The following DNAAF5 variants were observed in gnomAD, a reference collection of about 807,000 sequenced individuals.
DNAAF5 encodes the protein dynein axonemal assembly factor 5.
In DNAAF5, 64 loss-of-function variants were observed where a neutral mutation model predicts 75.8. That is an observed-to-expected ratio of 0.84 (90% CI 0.69 to 1.04). The LOEUF (loss-of-function observed/expected upper bound fraction) is 1.04. DNAAF5 is among the 50% of genes least tolerant of loss of function. DNAAF5 has a pLI of 0.00. For missense variants in DNAAF5, 1,269 were observed against 1,178.5 expected, an observed-to-expected ratio of 1.08 and a Z score of -1.12; for synonymous variants, 657 against 557.2, an observed-to-expected ratio of 1.18 and a Z score of -2.52.
At chr7:762,251 C>T (rs1442806020) in intron 7 of DNAAF5, among the ~76,000 whole-genome samples, 2 of 152,122 alleles carry the variant, frequency 1.3e-5, no homozygotes, top group South Asian at 2.1e-4. Flanking sequence ...TTTGGGAGGC[C>T]GAGGTGGGCG....
chr7:749,127 G>T (rs1246915898), intron 4 of DNAAF5, among the ~76,000 whole-genome samples: 1 of 152,172 alleles, frequency 6.6e-6, no homozygotes, highest in Non-Finnish European at 1.5e-5. Flanking sequence ...CGTGCTGGGA[G>T]GGTTGGGAGG....
intron 4 of DNAAF5, among the ~76,000 whole-genome samples, chr7:743,754 C>T (rs1198952202): frequency 6.6e-6 from 1 of 150,958 alleles, no homozygotes; most frequent in Non-Finnish European, 1.5e-5. Context: ...AAGCGATTCT[C>T]CTGCGTCAGC....
chr7:784,084 C>T (rs951632812), intron 12 of DNAAF5, among the ~76,000 whole-genome samples: 1 of 152,044 alleles, frequency 6.6e-6, no homozygotes, highest in Non-Finnish European at 1.5e-5. Context: ...AAGCAGCCCG[C>T]CTTACCCCTC....
At chr7:778,834 A>G (rs1459826411) in intron 11 of DNAAF5, 1 of 153,732 alleles carries the variant, frequency 6.5e-6, no homozygotes, top group African/African-American at 2.4e-5. Context: ...CCATGCAGCA[A>G]AAGCACCCCC....
intron 4 of DNAAF5, among the ~76,000 whole-genome samples, chr7:744,929 C>T (rs1583486210): frequency 6.6e-6 from 1 of 152,164 alleles, no homozygotes; most frequent in Non-Finnish European, 1.5e-5. Flanking sequence ...AAATGTGGAA[C>T]TTAGACACGA....
chr7:783,487 G>A lies in DNAAF5; in HGVS notation c.2432-2030G>A, dbSNP rs573633311. Among the ~76,000 whole-genome samples, 90 of 152,294 alleles carry A rather than the reference G, an allele frequency of 5.9e-4. 2 individuals are homozygous for A. Among genetic ancestry groups the A allele is most frequent in the Non-Finnish European group, 1.5e-4 (10 of 68,008 alleles). ...CCCTCTGAAGGGTCCTGGGGACCCC[G>A]AGGGCCTTGGAGCCCATGTCGGGAG... is the stretch of plus-strand genomic sequence containing the variant. On this transcript the variant is annotated intron_variant, in intron 12 of 12. Transcript: ENST00000297440.
At chr7:772,974 A>G (rs999080518) in intron 9 of DNAAF5, 6 of 151,968 alleles carry the variant, frequency 3.9e-5, no homozygotes, top group African/African-American at 1.5e-4. Context: ...AAAAAAAAAA[A>G]AAAAATTTAA....
At chr7:751,155 A>G (rs6955004) in intron 4 of DNAAF5, among the ~76,000 whole-genome samples, 27,606 of 152,058 alleles carry the variant, frequency 0.18, 2,818 homozygotes, top group East Asian at 0.28. Flanking sequence ...CATTTCAAAA[A>G]AAAACGAAGA....
intron 2 of DNAAF5, 120 bp from the exon 3 acceptor site, chr7:740,699 A>G: frequency 1.4e-6 from 2 of 1,407,446 alleles, no homozygotes; most frequent in African/African-American, 2.8e-5. Flanking sequence ...GTGGCCCAGG[A>G]CCTGGCCGTG....
At chr7:770,963 C>CACAAGCTCTCGGTAGGGA in intron 9 of DNAAF5, 1 of 189,152 alleles carries the variant, frequency 5.3e-6, no homozygotes, top group Non-Finnish European at 1.1e-5. Context: ...ACTGGGTAAA[C>CACAAGCTCTCGGTAGGGA]ACAAGCTCTC....
intron 12 of DNAAF5, among the ~76,000 whole-genome samples, chr7:783,566 C>G (rs34583940): frequency 6.6e-6 from 1 of 152,218 alleles, no homozygotes; most frequent in African/African-American, 2.4e-5. Context: ...AGCCCCAGAG[C>G]CCATTGATCC....
intron 9 of DNAAF5, among the ~76,000 whole-genome samples, 196 bp from the exon 10 acceptor site, chr7:773,852 C>T (rs541998369): frequency 1.1e-4 from 16 of 152,244 alleles, no homozygotes; most frequent in African/African-American, 3.6e-4. Context: ...CCTGTCTCCC[C>T]GGTAGGGTTG....
At chr7:769,481 C>T (rs1583511914) in intron 8 of DNAAF5, among the ~76,000 whole-genome samples, 3 of 152,292 alleles carry the variant, frequency 2.0e-5, no homozygotes. Flanking sequence ...TCGCGCCCAC[C>T]GGAGAGCAGC....
At chr7:780,871 CGTT>C (rs374741299) in intron 12 of DNAAF5, among the ~76,000 whole-genome samples, 56 of 136,538 alleles carry the variant, frequency 4.1e-4, no homozygotes, top group Middle Eastern at 3.9e-3. Context: ...AATATAATGA[CGTT>C]GTTCTTTTTT....
At chr7:751,393 G>C (rs1431391459) in intron 4 of DNAAF5, among the ~76,000 whole-genome samples, 1 of 151,540 alleles carries the variant, frequency 6.6e-6, no homozygotes, top group African/African-American at 2.4e-5. Flanking sequence ...TTAGCACTTT[G>C]AGAGGCCGAG....
At chr7:731,056 A>G (rs894448884) in intron 2 of DNAAF5, among the ~76,000 whole-genome samples, 3 of 152,222 alleles carry the variant, frequency 2.0e-5, no homozygotes, top group East Asian at 1.9e-4. Flanking sequence ...GGGCCAGGGC[A>G]AGAACAGAGC....
chr7:781,905 G>T (rs552428124), intron 12 of DNAAF5, among the ~76,000 whole-genome samples: 2 of 152,202 alleles, frequency 1.3e-5, no homozygotes, highest in African/African-American at 4.8e-5. Context: ...GTCAGGCGGC[G>T]GTTCTAAGAT....
In DNAAF5 at chr7:780,232, C is replaced by G; in HGVS notation, c.2431+88C>G. ...TGTAGCTGAGCCGTGTGACCGGCCACAGGGCCCTGGGGCACAGGAGGGGCC... is the reference window on the plus strand; with the variant it reads ...TGTAGCTGAGCCGTGTGACCGGCCAGAGGGCCCTGGGGCACAGGAGGGGCC... On this transcript the variant is annotated intron_variant, in intron 12 of 12. Coordinates refer to ENST00000297440, the MANE Select transcript of DNAAF5 (RefSeq NM_017802.4). 11 of 1,310,050 alleles carry G rather than the reference C, an allele frequency of 8.4e-6. No homozygotes were observed. The South Asian group carries it at 1.4e-4, about 17-fold the overall frequency. 81.2% of individuals were successfully genotyped at this position (1,310,050 alleles called of 1,614,324 possible).
chr7:727,556 T>G, intron 1 of DNAAF5: 1 of 220,476 alleles, frequency 4.5e-6, no homozygotes, highest in Non-Finnish European at 8.3e-6. Context: ...CAACGCGCCC[T>G]TCAGCTGCTC....
Sources: allele counts gnomAD v4.1 joint callset (sites outside exome capture counted in the v4.1 genomes callset), GRCh38; gene constraint gnomAD v4.1.1; transcripts MANE v1.5; gene names NCBI Gene and HGNC (gene_info 2026-07-23, HGNC 2026-07-21).